The following ADNP2 variants were observed in gnomAD, a reference collection of about 807,000 sequenced individuals.
ADNP2 encodes the protein ADNP homeobox 2, also known as activity-dependent neuroprotector homeobox protein 2.
In ADNP2, 8 loss-of-function variants were observed where a neutral mutation model predicts 16.4. The ratio of observed to expected loss-of-function variants is 0.49; its 90% CI spans 0.29 to 0.88. ADNP2 has a LOEUF of 0.88. Ranked by LOEUF, ADNP2 falls within the 40% of genes least tolerant of loss-of-function variation. The probability of loss-of-function intolerance (pLI) is 0.09; values close to 1 mark genes in which losing one functional copy is unlikely to be tolerated. For synonymous variants in ADNP2, 637 were observed against 545.8 expected (o/e 1.17, Z -2.33); for missense variants, 1,397 against 1,395.1 (o/e 1.00, Z -0.02).
In ADNP2 at chr18:80,138,885, C is replaced by T. The variant is rs1024946440; in HGVS notation, c.*76C>T. On this transcript the variant is annotated 3_prime_UTR_variant, in exon 4 of 4. Transcript: ENST00000262198. ...TCAGTTGAAATTTCACAGTGTTGTC[C>T]TCACTGTGTTGGTGAATCAACCTCA... 29 of 1,302,496 alleles carry T rather than the reference C, an allele frequency of 2.2e-5. No homozygotes were observed. Among genetic ancestry groups the T allele is most frequent in the Middle Eastern group, 5.4e-4 (2 of 3,678 alleles). 80.7% of individuals were successfully genotyped at this position (1,302,496 alleles called of 1,614,324 possible).
At chr18:80,132,689 TCTCCC>T (rs1236090652) in intron 2 of ADNP2, among the ~76,000 whole-genome samples, 1 of 143,964 alleles carries the variant, frequency 6.9e-6, no homozygotes, top group Non-Finnish European at 1.5e-5. Flanking sequence ...CCCTCTCTCC[TCTCCC>T]CTCCCCTCTC....
At chr18:80,112,653 A>G (rs1478143064) in intron 1 of ADNP2, among the ~76,000 whole-genome samples, 1 of 152,188 alleles carries the variant, frequency 6.6e-6, no homozygotes, top group African/African-American at 2.4e-5. Context: ...ACAAGTAACC[A>G]CAGACCCCTG....
rs778052331 is a variant in ADNP2 at position 80,137,407 on chromosome 18, T to C, written c.1994T>C (p.Leu665Pro). The C allele has an allele frequency of 6.2e-7, 1 of 1,614,182 alleles. No individual in the cohort carries two copies. The highest frequency in any genetic ancestry group is 8.5e-7 in the Non-Finnish European group (1 of 1,180,034). Residue 665 changes from leucine to proline, a missense_variant, in exon 4 of 4, where the codon CTG (leucine) becomes CCG (proline). Physicochemically the swap from Leu to Pro is moderately conservative, Grantham distance 98. Coordinates refer to ENST00000262198, the MANE Select transcript of ADNP2 (RefSeq NM_014913.4). This position sits in a 1 kb window ranked among gnomAD's most constrained non-coding sequence, Gnocchi z 4.2. ...CCCGGCATGCCCTCTCCTCCAGTGC[T>C]GGTGAATGCTGCTCAGAGCGTGTTT... is the stretch of plus-strand genomic sequence containing the variant. ...SMPGMPSPPV[L>P]VNAAQSVFVQ...
intron 1 of ADNP2, among the ~76,000 whole-genome samples, chr18:80,116,742 C>G (rs1228681935): frequency 6.6e-6 from 1 of 152,042 alleles, no homozygotes; most frequent in Non-Finnish European, 1.5e-5. Context: ...CTCGGGTGAT[C>G]CCCTCACCTC....
At chr18:80,129,887 G>A (rs957409396) in intron 2 of ADNP2, among the ~76,000 whole-genome samples, 6 of 152,172 alleles carry the variant, frequency 3.9e-5, no homozygotes, top group African/African-American at 1.4e-4. Flanking sequence ...CATGTAGATT[G>A]TTAGCAGACA....
In ADNP2 at chr18:80,137,369, G is replaced by A. The variant is rs1209491136; in HGVS notation, c.1956G>A (p.Met652Ile). Reference sequence around the variant, plus strand: ...TGCCGTCAGGTGCAGCTGCACCAATGGCCGGTTCCATGCCCGGCATGCCCT... The same window carrying A: ...TGCCGTCAGGTGCAGCTGCACCAATAGCCGGTTCCATGCCCGGCATGCCCT... ...QLLPSGAAAP[M>I]AGSMPGMPSP... The change falls in exon 4 of 4, where the codon ATG becomes ATA. Residue 652 changes from methionine (M) to isoleucine (I), a missense_variant. Around this residue, in one of 3 missense-constraint regions of ADNP2, gnomAD observed 611 missense variants for 648.7 expected, o/e 0.94. Transcript: ENST00000262198. The surrounding 1 kb of genome is among the most constrained non-coding windows in gnomAD (Gnocchi z 4.2). The A allele has an allele frequency of 6.2e-7, 1 of 1,614,180 alleles. No individual in the cohort carries two copies. Among genetic ancestry groups the A allele is most frequent in the African/African-American group, 1.3e-5 (1 of 75,050 alleles).
Position 80,137,498 on chromosome 18 carries a change from C to G in ADNP2, c.2085C>G (p.Thr695=). ...TCAAACAGGCCAAGCAGTGGAAGAC[C>G]TGCCCTGTCTGCAACGAGCTCTTTC... ...QVLKQAKQWK[T]CPVCNELFPS... The change falls in exon 4 of 4, where the codon ACC becomes ACG. Residue 695 remains threonine, a synonymous_variant. Coordinates refer to ENST00000262198, the MANE Select transcript of ADNP2 (RefSeq NM_014913.4). This position sits in a 1 kb window ranked among gnomAD's most constrained non-coding sequence, Gnocchi z 4.2. The G allele has an allele frequency of 6.2e-7, 1 of 1,614,220 alleles. No homozygotes were observed. Among genetic ancestry groups the G allele is most frequent in the Non-Finnish European group, 8.5e-7 (1 of 1,180,042 alleles).
At chr18:80,131,219 G>A (rs957807139) in intron 2 of ADNP2, among the ~76,000 whole-genome samples, 9 of 152,090 alleles carry the variant, frequency 5.9e-5, no homozygotes, top group African/African-American at 1.9e-4. Flanking sequence ...TGGGACCTGC[G>A]TGCTCCTCTT....
Position 80,109,443 on chromosome 18 carries a change from G to C in ADNP2, c.-43G>C, listed in dbSNP as rs1467745257. ...CGGCAGCCCTGCGAGAGGCAGCAGC[G>C]GAGACGCGGTGCTCCTCGGGCGCCA... On this transcript the variant is annotated 5_prime_UTR_variant, in exon 1 of 4. Coordinates refer to ENST00000262198, the MANE Select transcript of ADNP2 (RefSeq NM_014913.4). The C allele has an allele frequency of 6.8e-6, 1 of 148,054 alleles. No homozygotes were observed. The highest frequency in any genetic ancestry group is 1.5e-5 in the Non-Finnish European group (1 of 66,412). The allele number at this position is 148,054 out of a possible 1,614,324, so 9.2% of individuals were successfully genotyped here. A position where few individuals can be genotyped will look rare whatever the true frequency, so the allele number is the denominator to read the frequency against.
intron 2 of ADNP2, among the ~76,000 whole-genome samples, chr18:80,127,229 A>C (rs552827455): frequency 6.6e-6 from 1 of 151,992 alleles, no homozygotes; most frequent in Non-Finnish European, 1.5e-5. Context: ...CAGTGTCAGC[A>C]TCCACTGGGG....
At chr18:80,134,516 A>G (rs536916770) in intron 3 of ADNP2, among the ~76,000 whole-genome samples, 1 of 151,828 alleles carries the variant, frequency 6.6e-6, no homozygotes, top group East Asian at 1.9e-4. Context: ...GCTTTAGATG[A>G]AGCTAGGTCT....
intron 1 of ADNP2, among the ~76,000 whole-genome samples, chr18:80,113,960 G>A (rs1365750838): frequency 6.6e-6 from 1 of 152,040 alleles, no homozygotes; most frequent in Non-Finnish European, 1.5e-5. Flanking sequence ...AGAGGCTGAC[G>A]GGGAGGATTG....
Position 80,137,656 on chromosome 18 carries a change from G to T in ADNP2, c.2243G>T (p.Arg748Leu). The T allele has an allele frequency of 6.2e-7, 1 of 1,614,210 alleles. No homozygotes were observed. The highest frequency in any genetic ancestry group is 8.5e-7 in the Non-Finnish European group (1 of 1,180,032). The change falls in exon 4 of 4, where the codon CGA becomes CTA. Residue 748 changes from arginine to leucine, a missense_variant. Coordinates refer to ENST00000262198, the MANE Select transcript of ADNP2 (RefSeq NM_014913.4). The surrounding 1 kb of genome is among the most constrained non-coding windows in gnomAD (Gnocchi z 4.2). ...FLKWMREKTV[R>L]CLSCKCLVSE... ...AAGTGGATGAGAGAGAAAACGGTGC[G>T]ATGTCTGTCTTGTAAGTGCTTGGTC...
At chr18:80,110,644 C>T (rs1568406455) in intron 1 of ADNP2, among the ~76,000 whole-genome samples, 2 of 152,050 alleles carry the variant, frequency 1.3e-5, no homozygotes, top group Non-Finnish European at 2.9e-5. Flanking sequence ...ATTTGGAAGT[C>T]GGTAATGTAT....
At chr18:80,121,863 C>T (rs1444841889) in intron 2 of ADNP2, among the ~76,000 whole-genome samples, 2 of 151,974 alleles carry the variant, frequency 1.3e-5, no homozygotes, top group African/African-American at 4.8e-5. Flanking sequence ...GGGTTTATTT[C>T]TGTACTCTCA....
At chr18:80,111,177 TA>T (rs1372057808) in intron 1 of ADNP2, among the ~76,000 whole-genome samples, 1 of 152,222 alleles carries the variant, frequency 6.6e-6, no homozygotes, top group Non-Finnish European at 1.5e-5. Flanking sequence ...CTGCTGAATA[TA>T]TGATCCAAGT....
Position 80,136,266 on chromosome 18 carries a change from G to T in ADNP2, c.853G>T (p.Ala285Ser). ...ACCAGCAAATGGCAGTGCTCCAAGC[G>T]CTCCAGCGCAGCCTCCTTGCTTCCA... ...AAPANGSAPS[A>S]PAQPPCFHLA... The change falls in exon 4 of 4, where the codon GCT (alanine) becomes TCT (serine). Residue 285 changes from alanine (A) to serine (S), a missense_variant. Ala to Ser is a moderately conservative substitution (Grantham distance 99, BLOSUM62 1). Coordinates refer to ENST00000262198, the MANE Select transcript of ADNP2 (RefSeq NM_014913.4). 3.1e-6 allele frequency: 5 copies of T among 1,613,868 alleles called. No individual in the cohort carries two copies. Among genetic ancestry groups the T allele is most frequent in the Non-Finnish European group, 3.4e-6 (4 of 1,179,736 alleles).
At chr18:80,135,547 A>T in intron 3 of ADNP2, 65 bp from the exon 4 acceptor site, 1 of 1,384,390 alleles carries the variant, frequency 7.2e-7, no homozygotes, top group Non-Finnish European at 9.9e-7. Flanking sequence ...GTCCTCAGGG[A>T]CTGTGGAAGG....
chr18:80,130,273 T>C (rs1006631469), intron 2 of ADNP2, among the ~76,000 whole-genome samples: 1 of 152,214 alleles, frequency 6.6e-6, no homozygotes, highest in Non-Finnish European at 1.5e-5. Context: ...TACTTATACT[T>C]TTCTGTAGGT....
Sources: allele counts gnomAD v4.1 joint callset (sites outside exome capture counted in the v4.1 genomes callset), GRCh38; gene constraint gnomAD v4.1.1; regional missense constraint gnomAD v4.1.1; non-coding constraint Gnocchi (gnomAD v3.1); transcripts MANE v1.5; gene names NCBI Gene and HGNC (gene_info 2026-07-23, HGNC 2026-07-21).